The following ZBTB12 variants were observed in gnomAD, a reference collection of about 807,000 sequenced individuals.
The protein encoded by ZBTB12 is zinc finger and BTB domain containing 12.
Under a neutral mutation model 6.4 loss-of-function variants are expected in ZBTB12, and 1 was observed. That is an observed-to-expected ratio of 0.16 (90% CI 0.06 to 0.74). The LOEUF (loss-of-function observed/expected upper bound fraction) is 0.74. Ranked by LOEUF, ZBTB12 falls within the 30% of genes least tolerant of loss-of-function variation. The probability of loss-of-function intolerance (pLI) is 0.78; values close to 1 mark genes in which losing one functional copy is unlikely to be tolerated. For missense variants in ZBTB12, 344 were observed against 613.9 expected (o/e 0.56, Z 4.65); for synonymous variants, 273 against 262.5 (o/e 1.04, Z -0.39).
At position 31,900,356 on chromosome 6, in the gene ZBTB12, C is replaced by A. The variant is rs760944494; in HGVS notation, c.950G>T (p.Arg317Leu). Residue 317 changes from arginine (R) to leucine (L), a missense_variant, in exon 2 of 2, where the codon CGG (arginine) becomes CTG (leucine). Arg to Leu is a moderately radical substitution (Grantham distance 102). Coordinates refer to ENST00000375527, the MANE Select transcript of ZBTB12 (RefSeq NM_181842.3). The surrounding 1 kb of genome is among the most constrained non-coding windows in gnomAD (Gnocchi z 9.7). ...AGGSLGAGGS[R>L]GPLPGGFSGG... ...TGAGAAGCCCCCAGGCAGGGGTCCC[C>A]GGCTGCCCCCCGCCCCCAGGCTGCC... The A allele has an allele frequency of 1.3e-6, 2 of 1,599,076 alleles. No homozygotes were observed. Among genetic ancestry groups the A allele is most frequent in the East Asian group, 2.3e-5 (1 of 44,294 alleles).
Position 31,899,970 on chromosome 6 carries a change from C to G in ZBTB12, c.1336G>C (p.Val446Leu). The G allele has an allele frequency of 6.2e-7, 1 of 1,600,560 alleles. No individual in the cohort carries two copies. The highest frequency in any genetic ancestry group is 8.5e-7 in the Non-Finnish European group (1 of 1,172,594). ...EQHGKTTAEN[V>L]LEASVAEINV... The stretch of plus-strand genomic sequence containing the variant: ...ATCTCGGCCACACTGGCCTCCAGCA[C>G]GTTCTCGGCCGTGGTCTTGCCGTGT... The change falls in exon 2 of 2, where the codon GTG becomes CTG. Residue 446 changes from valine to leucine, a missense_variant. Around this residue, in one of 5 missense-constraint regions of ZBTB12, gnomAD observed 15 missense variants for 20.2 expected, o/e 0.74. Transcript: ENST00000375527.
In ZBTB12 at chr6:31,899,681, C is replaced by A; in HGVS notation, c.*245G>T. On this transcript the variant is annotated 3_prime_UTR_variant, in exon 2 of 2. Transcript: ENST00000375527. ...ACATGCACTTCTAAGAGAAGGAAAT[C>A]TTTCTCTGGGACCCCGTATTCCCCT... 1 of 520,802 alleles carries A rather than the reference C, an allele frequency of 1.9e-6. No homozygotes were observed. The allele number at this position is 520,802 out of a possible 1,614,324, so 32.3% of individuals were successfully genotyped here. A position where few individuals can be genotyped will look rare whatever the true frequency, so the allele number is the denominator to read the frequency against.
In ZBTB12 at chr6:31,901,993, T is replaced by G. The variant is rs1581999188; in HGVS notation, c.-177A>C. 2 of 133,566 alleles carry G rather than the reference T, an allele frequency of 1.5e-5. No individual in the cohort carries two copies. The allele number at this position is 133,566 out of a possible 1,614,324, so 8.3% of individuals were successfully genotyped here. A position where few individuals can be genotyped will look rare whatever the true frequency, so the allele number is the denominator to read the frequency against. ...GCGCGGGGCCGGCTCCGCGTGGGCG[T>G]AAGGGGGGAGGGGCGGGGGCGGCTC... On this transcript the variant is annotated 5_prime_UTR_variant, in exon 1 of 2. Transcript: ENST00000375527.
At position 31,900,237 on chromosome 6, in the gene ZBTB12, A is replaced by G; in HGVS notation, c.1069T>C (p.Phe357Leu). 6.2e-7 allele frequency: 1 copy of G among 1,614,036 alleles called. No individual in the cohort carries two copies. The highest frequency in any genetic ancestry group is 8.5e-7 in the Non-Finnish European group (1 of 1,180,034). Residue 357 changes from phenylalanine (F) to leucine (L), a missense_variant, in exon 2 of 2, where the codon TTC becomes CTC. Phe to Leu is a conservative substitution (Grantham distance 22). This residue lies in a region of ZBTB12 where 241 missense variants were observed against 315.4 expected (regional missense o/e 0.76). Coordinates refer to ENST00000375527, the MANE Select transcript of ZBTB12 (RefSeq NM_181842.3). This position sits in a 1 kb window ranked among gnomAD's most constrained non-coding sequence, Gnocchi z 9.7. Reference protein sequence around the residue: ...KLVFHMRAQHFIFMCPRCGKQ... With the variant: ...KLVFHMRAQHLIFMCPRCGKQ... ...CCACAGCGAGGGCACATGAAGATGAAGTGCTGCGCCCGCATGTGGAAGACC... is the reference window on the plus strand; with the variant it reads ...CCACAGCGAGGGCACATGAAGATGAGGTGCTGCGCCCGCATGTGGAAGACC...
At position 31,900,905 on chromosome 6, in the gene ZBTB12, T is replaced by C. The variant is rs1174457152; in HGVS notation, c.401A>G (p.Lys134Arg). ...GCTAGCCTCACTGACCCCATCCTCT[T>C]TGAGGCCTATTTTGGGCTCAATGAA... The part of the protein sequence containing the change: ...SQFIEPKIGL[K>R]EDGVSEASLV... The change falls in exon 2 of 2, where the codon AAA (lysine) becomes AGA (arginine). Residue 134 changes from lysine (K) to arginine (R), a missense_variant. By Grantham distance (26) the Lys-to-Arg change is conservative (BLOSUM62 2). Transcript: ENST00000375527. The surrounding 1 kb of genome is among the most constrained non-coding windows in gnomAD (Gnocchi z 9.7). 3.1e-6 allele frequency: 5 copies of C among 1,614,118 alleles called. No homozygotes were observed. The South Asian group carries it at 5.5e-5, about 18-fold the overall frequency.
At chr6:31,901,515 G>A (rs1464608067) in intron 1 of ZBTB12, among the ~76,000 whole-genome samples, 190 bp from the exon 2 acceptor site, 1 of 152,024 alleles carries the variant, frequency 6.6e-6, no homozygotes, top group East Asian at 1.9e-4. Flanking sequence ...GTTCTCGGGG[G>A]CGGGGCAGCG....
Position 31,899,998 on chromosome 6 carries a change from C to T in ZBTB12, c.1308G>A (p.Glu436=), listed in dbSNP as rs201200059. 2.4e-5 allele frequency: 39 copies of T among 1,609,980 alleles called. No homozygotes were observed. In the Admixed American group the frequency reaches 3.3e-4, roughly 14 times the overall value. ...HKPAIRRHLK[E]QHGKTTAENV... Reference sequence around the variant, plus strand: ...TCTCGGCCGTGGTCTTGCCGTGTTGCTCCTTGAGGTGCCGCCTAATGGCAG... The same window carrying T: ...TCTCGGCCGTGGTCTTGCCGTGTTGTTCCTTGAGGTGCCGCCTAATGGCAG... Residue 436 remains glutamate, a synonymous_variant, in exon 2 of 2, where the codon GAG becomes GAA. Transcript: ENST00000375527.
chr6:31,902,002 AG>A lies in ZBTB12; in HGVS notation c.-187del, dbSNP rs1767354791. The A allele has an allele frequency of 7.7e-6, 1 of 129,328 alleles. No homozygotes were observed. Among genetic ancestry groups the A allele is most frequent in the Non-Finnish European group, 1.6e-5 (1 of 61,262 alleles). 8.0% of individuals were successfully genotyped at this position (129,328 alleles called of 1,614,324 possible). On this transcript the variant is annotated 5_prime_UTR_variant, in exon 1 of 2. Transcript: ENST00000375527. ...CGGCTCCGCGTGGGCGTAAGGGGGG[AG>A]GGGCGGGGGCGGCTCGTGCCGTGTG...
At position 31,900,501 on chromosome 6, in the gene ZBTB12, G is replaced by A. The variant is rs765425840; in HGVS notation, c.805C>T (p.Leu269=). The A allele has an allele frequency of 3.1e-6, 5 of 1,610,748 alleles. No individual in the cohort carries two copies. The highest frequency in any genetic ancestry group is 1.3e-5 in the African/African-American group (1 of 75,002). ...CCCTCCCCTTCTGCATCTTCCGACA[G>A]GCTATAGCAGGCCTTCACCACACCC... ...PQGVVKACYS[L]SEDAEGEGLL... Residue 269 remains leucine (L), a synonymous_variant, in exon 2 of 2, where the codon CTG becomes TTG. Coordinates refer to ENST00000375527, the MANE Select transcript of ZBTB12 (RefSeq NM_181842.3). The surrounding 1 kb of genome is among the most constrained non-coding windows in gnomAD (Gnocchi z 9.7).
In ZBTB12 at chr6:31,900,463, A is replaced by C. The variant is rs747646250; in HGVS notation, c.843T>G (p.Ile281Met). Residue 281 changes from isoleucine (I) to methionine (M), a missense_variant, in exon 2 of 2, where the codon ATT becomes ATG. Ile to Met is a conservative substitution (Grantham distance 10, BLOSUM62 1). Transcript: ENST00000375527. This position sits in a 1 kb window ranked among gnomAD's most constrained non-coding sequence, Gnocchi z 9.7. Reference protein sequence around the residue: ...EDAEGEGLLLIPGGRASVGAT... With the variant: ...EDAEGEGLLLMPGGRASVGAT... ...CCCCCACGCTGGCCCGGCCTCCGGG[A>C]ATCAACAGCAGGCCCTCCCCTTCTG... is the stretch of plus-strand genomic sequence containing the variant. 1.9e-6 allele frequency: 3 copies of C among 1,591,574 alleles called. No individual in the cohort carries two copies. The highest frequency in any genetic ancestry group is 3.5e-5 in the Admixed American group (2 of 56,610).
rs1456108715 is a variant in ZBTB12, at chr6:31,900,877, A to G, written c.429T>C (p.Leu143=). 6.2e-7 allele frequency: 1 copy of G among 1,613,546 alleles called. No individual in the cohort carries two copies. Among genetic ancestry groups the G allele is most frequent in the African/African-American group, 1.3e-5 (1 of 74,822 alleles). ...LKEDGVSEAS[L]VSSISATKSL... Reference sequence around the variant, plus strand: ...ACTTGGTGGCGCTGATGCTGCTCACAAGGCTAGCCTCACTGACCCCATCCT... The same window carrying G: ...ACTTGGTGGCGCTGATGCTGCTCACGAGGCTAGCCTCACTGACCCCATCCT... The change falls in exon 2 of 2, where the codon CTT becomes CTC. Residue 143 remains leucine (L), a synonymous_variant. Transcript: ENST00000375527. This position sits in a 1 kb window ranked among gnomAD's most constrained non-coding sequence, Gnocchi z 9.7.
In ZBTB12 at chr6:31,899,819, C is replaced by T. The variant is rs1767056031; in HGVS notation, c.*107G>A. The T allele has an allele frequency of 8.1e-7, 1 of 1,236,478 alleles. No homozygotes were observed. The highest frequency in any genetic ancestry group is 1.5e-5 in the South Asian group (1 of 68,960). The allele number at this position is 1,236,478 out of a possible 1,614,324, so 76.6% of individuals were successfully genotyped here. On this transcript the variant is annotated 3_prime_UTR_variant, in exon 2 of 2. Coordinates refer to ENST00000375527, the MANE Select transcript of ZBTB12 (RefSeq NM_181842.3). ...GTGTGCATCTGCTCAGCCTCCCACT[C>T]TTACCTTTCTGCCCCAGACCCCCCA...
chr6:31,900,228 T>C lies in ZBTB12; in HGVS notation c.1078A>G (p.Met360Val). Residue 360 changes from methionine (M) to valine (V), a missense_variant, in exon 2 of 2, where the codon ATG becomes GTG. Physicochemically the swap from Met to Val is conservative, Grantham distance 21. Coordinates refer to ENST00000375527, the MANE Select transcript of ZBTB12 (RefSeq NM_181842.3). The surrounding 1 kb of genome is among the most constrained non-coding windows in gnomAD (Gnocchi z 9.7). ...FHMRAQHFIF[M>V]CPRCGKQFNH... ...AACTGCTTGCCACAGCGAGGGCACATGAAGATGAAGTGCTGCGCCCGCATG... is the reference window on the plus strand; with the variant it reads ...AACTGCTTGCCACAGCGAGGGCACACGAAGATGAAGTGCTGCGCCCGCATG... 1.2e-6 allele frequency: 2 copies of C among 1,614,078 alleles called. No individual in the cohort carries two copies. The highest frequency in any genetic ancestry group is 3.3e-5 in the Admixed American group (2 of 60,030).
At position 31,900,960 on chromosome 6, in the gene ZBTB12, C is replaced by G. The variant is rs763457937; in HGVS notation, c.346G>C (p.Val116Leu). ...CTGAGGGCATTCCGGCATTTCTCCA[C>G]CACGTGCTCCATCTGCAGGTAGGAG... ...AASYLQMEHV[V>L]EKCRNALSQF... The change falls in exon 2 of 2, where the codon GTG becomes CTG. Residue 116 changes from valine to leucine, a missense_variant. Coordinates refer to ENST00000375527, the MANE Select transcript of ZBTB12 (RefSeq NM_181842.3). The surrounding 1 kb of genome is among the most constrained non-coding windows in gnomAD (Gnocchi z 9.7). The G allele has an allele frequency of 6.2e-7, 1 of 1,614,220 alleles. No individual in the cohort carries two copies. The highest frequency in any genetic ancestry group is 8.5e-7 in the Non-Finnish European group (1 of 1,180,044).
Position 31,901,734 on chromosome 6 carries a change from T to TC in ZBTB12, c.-21+102dup, listed in dbSNP as rs1032060800. The TC allele has an allele frequency of 6.0e-4, 95 of 158,440 alleles. No individual in the cohort carries two copies. In the East Asian group the frequency reaches 0.016, roughly 26 times the overall value. The allele number at this position is 158,440 out of a possible 1,614,324, so 9.8% of individuals were successfully genotyped here. A position where few individuals can be genotyped will look rare whatever the true frequency, so the allele number is the denominator to read the frequency against. On this transcript the variant is annotated intron_variant, in intron 1 of 1. Coordinates refer to ENST00000375527, the MANE Select transcript of ZBTB12 (RefSeq NM_181842.3). Reference sequence around the variant, plus strand: ...ACGTTTGCACGCGCTTTTCACGTCCTCCCCCCCGCCGCCAGCACGCACCGT... The same window carrying TC: ...ACGTTTGCACGCGCTTTTCACGTCCTCCCCCCCCGCCGCCAGCACGCACCGT...
In ZBTB12 at chr6:31,900,391, C is replaced by T. The variant is rs1217416687; in HGVS notation, c.915G>A (p.Arg305=). The T allele has an allele frequency of 6.5e-7, 1 of 1,544,934 alleles. No homozygotes were observed. The highest frequency in any genetic ancestry group is 8.7e-7 in the Non-Finnish European group (1 of 1,145,012). The part of the protein sequence containing the change: ...VEAAAVAMAA[R]GAGGSLGAGG... The stretch of plus-strand genomic sequence containing the variant: ...CCGCCCCCAGGCTGCCCCCCGCCCC[C>T]CGGGCAGCCATGGCCACCGCTGCTG... Residue 305 remains arginine, a synonymous_variant, in exon 2 of 2, where the codon CGG becomes CGA. Transcript: ENST00000375527. The surrounding 1 kb of genome is among the most constrained non-coding windows in gnomAD (Gnocchi z 9.7).
chr6:31,900,484 T>G lies in ZBTB12; in HGVS notation c.822A>C (p.Glu274Asp). 1.2e-6 allele frequency: 2 copies of G among 1,607,056 alleles called. No individual in the cohort carries two copies. The highest frequency in any genetic ancestry group is 2.7e-5 in the African/African-American group (2 of 74,708). ...CGGGAATCAACAGCAGGCCCTCCCC[T>G]TCTGCATCTTCCGACAGGCTATAGC... The part of the protein sequence containing the change: ...KACYSLSEDA[E>D]GEGLLLIPGG... The change falls in exon 2 of 2, where the codon GAA becomes GAC. Residue 274 changes from glutamate (E) to aspartate (D), a missense_variant. This residue lies in a region of ZBTB12 where 241 missense variants were observed against 315.4 expected (regional missense o/e 0.76). Transcript: ENST00000375527. This position sits in a 1 kb window ranked among gnomAD's most constrained non-coding sequence, Gnocchi z 9.7.
chr6:31,900,980 T>TA lies in ZBTB12; in HGVS notation c.325dup (p.Tyr109LeufsTer20). 6.2e-7 allele frequency: 1 copy of TA among 1,614,096 alleles called. No individual in the cohort carries two copies. The highest frequency in any genetic ancestry group is 1.1e-5 in the South Asian group (1 of 91,082). On this transcript the variant is annotated frameshift_variant, in exon 2 of 2. Coordinates refer to ENST00000375527, the MANE Select transcript of ZBTB12 (RefSeq NM_181842.3). LOFTEE classifies it high-confidence loss of function. This position sits in a 1 kb window ranked among gnomAD's most constrained non-coding sequence, Gnocchi z 9.7. ...CTCCACCACGTGCTCCATCTGCAGG[T>TA]AGGAGGCGGCTGTAAGGTAGTTGAC... is the stretch of plus-strand genomic sequence containing the variant.
chr6:31,901,316 G>A lies in ZBTB12; in HGVS notation c.-11C>T, dbSNP rs1403284071. 1.2e-6 allele frequency: 2 copies of A among 1,601,008 alleles called. No individual in the cohort carries two copies. The highest frequency in any genetic ancestry group is 1.7e-6 in the Non-Finnish European group (2 of 1,171,594). On this transcript the variant is annotated 5_prime_UTR_variant, in exon 2 of 2. Coordinates refer to ENST00000375527, the MANE Select transcript of ZBTB12 (RefSeq NM_181842.3). ...CACCCCAGAGGCCATTGTGGCGGGG[G>A]TGGGCAACCCTGGTTGGGAAGGAAA...
Sources: gnomAD v4.1 joint callset for allele counts (sites outside exome capture counted in the v4.1 genomes callset) on GRCh38, gnomAD v4.1.1 for gene constraint, gnomAD v4.1.1 regional missense constraint, Gnocchi (gnomAD v3.1) non-coding constraint, MANE v1.5 for transcripts, NCBI Gene and HGNC (gene_info 2026-07-23, HGNC 2026-07-21) for gene names.